CNOT4: variants seen among roughly 807,000 people sequenced by gnomAD.
CNOT4 encodes CCR4-NOT transcription complex subunit 4.
In CNOT4, 8 loss-of-function variants were observed where a neutral mutation model predicts 73.8. That is an observed-to-expected ratio of 0.11 (90% CI 0.06 to 0.20). The LOEUF (loss-of-function observed/expected upper bound fraction) is 0.20. CNOT4 is among the 10% of genes least tolerant of loss of function. The pLI is 1.00. For missense variants in CNOT4, 564 were observed against 883.4 expected, an observed-to-expected ratio of 0.64 and a Z score of 4.58; for synonymous variants, 293 against 321.1, an observed-to-expected ratio of 0.91 and a Z score of 0.94.
chr7:135,446,940 G>C (rs1799871789), intron 1 of CNOT4, among the ~76,000 whole-genome samples: 1 of 106,464 alleles, frequency 9.4e-6, no homozygotes, highest in South Asian at 3.1e-4. Flanking sequence ...GTTCCCACTA[G>C]AATGGAAACT....
chr7:135,387,862 A>C (rs953356156), intron 10 of CNOT4: 1 of 971,930 alleles, frequency 1.0e-6, no homozygotes. Context: ...GAGGACATCC[A>C]ATCTCTTCTC....
chr7:135,465,749 T>G (rs1320835421), intron 1 of CNOT4, among the ~76,000 whole-genome samples: 4 of 152,120 alleles, frequency 2.6e-5, no homozygotes, highest in African/African-American at 7.2e-5. Flanking sequence ...AAAAATTTTT[T>G]TTTTTAATTA....
chr7:135,395,888 A>G lies in CNOT4; in HGVS notation c.880-5T>C, dbSNP rs746977444. ...AGGCGTATCACTGTTAGATATCTGA[A>G]TAAAAAAGGAAAACAAATAATAACT... On this transcript the variant is annotated splice_polypyrimidine_tract_variant and splice_region_variant and intron_variant, in intron 8 of 11. Coordinates refer to ENST00000541284, the MANE Select transcript of CNOT4 (RefSeq NM_001190850.2). 3.8e-6 allele frequency: 6 copies of G among 1,593,476 alleles called. No individual in the cohort carries two copies. In the East Asian group the frequency reaches 1.3e-4, roughly 36 times the overall value.
intron 10 of CNOT4, among the ~76,000 whole-genome samples, chr7:135,375,618 A>C (rs1473841425): frequency 6.6e-6 from 1 of 152,158 alleles, no homozygotes; most frequent in African/African-American, 2.4e-5. Context: ...AAAATGTGTT[A>C]GTTTTTTTAA....
intron 1 of CNOT4, among the ~76,000 whole-genome samples, chr7:135,473,662 G>A (rs890055906): frequency 6.6e-6 from 1 of 152,112 alleles, no homozygotes; most frequent in Non-Finnish European, 1.5e-5. Context: ...TGAGAAGATG[G>A]CTTGAGGCCA....
At chr7:135,491,389 G>T (rs1477934711) in intron 1 of CNOT4, among the ~76,000 whole-genome samples, 2 of 152,214 alleles carry the variant, frequency 1.3e-5, no homozygotes, top group African/African-American at 4.8e-5. Flanking sequence ...GAAGACTAAG[G>T]AGGAGCAGCC....
intron 1 of CNOT4, among the ~76,000 whole-genome samples, chr7:135,496,762 C>T (rs942064525): frequency 2.0e-5 from 3 of 152,016 alleles, no homozygotes; most frequent in Non-Finnish European, 4.4e-5. Context: ...CACTTCTACC[C>T]CTGAAACGTA....
intron 1 of CNOT4, among the ~76,000 whole-genome samples, chr7:135,489,431 T>C (rs1469137562): frequency 1.4e-5 from 2 of 146,492 alleles, no homozygotes; most frequent in Non-Finnish European, 3.0e-5. Flanking sequence ...AGTCTCGCTC[T>C]GTCCCCCAGG....
At chr7:135,508,477 C>T (rs1282216337) in intron 1 of CNOT4, among the ~76,000 whole-genome samples, 5 of 152,100 alleles carry the variant, frequency 3.3e-5, no homozygotes, top group African/African-American at 1.2e-4. Flanking sequence ...GAGAAAAATA[C>T]GAGGAACTTA....
Position 135,413,454 on chromosome 7 carries a change from T to A in CNOT4, c.687+34A>T, listed in dbSNP as rs532257673. 2.5e-6 allele frequency: 4 copies of A among 1,599,826 alleles called. No homozygotes were observed. In the Admixed American group the frequency reaches 5.3e-5, roughly 21 times the overall value. Reference sequence around the variant, plus strand: ...TAATAAAAAAAAAAGTACTCCCTTTTCTGCAAAGTTGATAATTCACATGAC... The same window carrying A: ...TAATAAAAAAAAAAGTACTCCCTTTACTGCAAAGTTGATAATTCACATGAC... On this transcript the variant is annotated intron_variant, in intron 6 of 11. Transcript: ENST00000541284.
intron 7 of CNOT4, among the ~76,000 whole-genome samples, chr7:135,399,419 A>G (rs1433385083): frequency 6.6e-6 from 1 of 152,114 alleles, no homozygotes; most frequent in Non-Finnish European, 1.5e-5. Context: ...ATCTAAAAAT[A>G]GAAAAGGTAC....
intron 1 of CNOT4, among the ~76,000 whole-genome samples, chr7:135,449,605 G>A (rs1479950412): frequency 6.6e-6 from 1 of 152,136 alleles, no homozygotes; most frequent in East Asian, 1.9e-4. Context: ...GTAACAGCAA[G>A]TAACAGCAAG....
intron 3 of CNOT4, among the ~76,000 whole-genome samples, chr7:135,416,740 A>G (rs967068497): frequency 2.0e-5 from 3 of 152,164 alleles, no homozygotes; most frequent in African/African-American, 7.2e-5. Flanking sequence ...GTAGTTCTCA[A>G]TGAGGGAAGC....
chr7:135,424,038 AAAACACACACACACACAC>A (rs1798345117), intron 2 of CNOT4, among the ~76,000 whole-genome samples: 1 of 124,920 alleles, frequency 8.0e-6, no homozygotes, highest in African/African-American at 3.3e-5. Context: ...ACAAACAAAC[AAAACACACACACACACAC>A]ACACACACAC....
At chr7:135,397,120 T>C (rs985435702) in intron 8 of CNOT4, among the ~76,000 whole-genome samples, 4 of 152,128 alleles carry the variant, frequency 2.6e-5, no homozygotes, top group Admixed American at 2.0e-4. Context: ...AAGAGAAGTA[T>C]ATGCTTTTCA....
chr7:135,468,776 G>T (rs1801391169), intron 1 of CNOT4, among the ~76,000 whole-genome samples: 1 of 151,672 alleles, frequency 6.6e-6, no homozygotes, highest in African/African-American at 2.4e-5. Context: ...TCCCTTTACA[G>T]CAAATTAGCA....
chr7:135,492,616 A>G (rs543192190), intron 1 of CNOT4, among the ~76,000 whole-genome samples: 1 of 152,260 alleles, frequency 6.6e-6, no homozygotes, highest in East Asian at 1.9e-4. Context: ...GTTTCAAGTT[A>G]TTGGTAATAA....
intron 1 of CNOT4, among the ~76,000 whole-genome samples, chr7:135,458,778 C>G (rs1800700743): frequency 6.6e-6 from 1 of 152,004 alleles, no homozygotes; most frequent in Non-Finnish European, 1.5e-5. Context: ...GGCTGTACTT[C>G]TAATTCTAGT....
At position 135,414,321 on chromosome 7, in the gene CNOT4, A is replaced by T; in HGVS notation, c.561+10T>A. 1.1e-6 allele frequency: 1 copy of T among 945,636 alleles called. No homozygotes were observed. The allele number at this position is 945,636 out of a possible 1,614,324, so 58.6% of individuals were successfully genotyped here. On this transcript the variant is annotated intron_variant, in intron 5 of 11. Transcript: ENST00000541284. ...AAAAAAAAAAAAAAGAATCAAGAGG[A>T]CTATATTACCTTAAGTGTTCTGCCA...
Sources: gnomAD v4.1 joint callset for allele counts (sites outside exome capture counted in the v4.1 genomes callset) on GRCh38, gnomAD v4.1.1 for gene constraint, MANE v1.5 for transcripts, NCBI Gene and HGNC (gene_info 2026-07-23, HGNC 2026-07-21) for gene names.